TOGARAM2: variants seen among roughly 807,000 people sequenced by gnomAD.
The protein encoded by TOGARAM2 is TOG array regulator of axonemal microtubules protein 2.
In TOGARAM2, 85 loss-of-function variants were observed where a neutral mutation model predicts 93.3. The observed-to-expected ratio is 0.91, with a 90% CI of 0.76 to 1.09. The LOEUF is 1.09. TOGARAM2 is among the 50% of genes least tolerant of loss of function. The probability of loss-of-function intolerance (pLI) is 0.00; values close to 1 mark genes in which losing one functional copy is unlikely to be tolerated. For synonymous variants in TOGARAM2, 593 were observed against 552.8 expected (o/e 1.07, Z -1.02); for missense variants, 1,277 against 1,334.5 (o/e 0.96, Z 0.67).
At chr2:29,029,965 C>G (rs1572752878) in intron 14 of TOGARAM2, among the ~76,000 whole-genome samples, 1 of 152,080 alleles carries the variant, frequency 6.6e-6, no homozygotes, top group Non-Finnish European at 1.5e-5. Flanking sequence ...AAAATTAAAA[C>G]AAAAACAGGC....
chr2:29,009,504 G>A (rs1488370053), intron 6 of TOGARAM2, among the ~76,000 whole-genome samples: 1 of 151,542 alleles, frequency 6.6e-6, no homozygotes, highest in Non-Finnish European at 1.5e-5. Context: ...CAGAGGCAGG[G>A]AGTCTGTGGG....
intron 1 of TOGARAM2, among the ~76,000 whole-genome samples, chr2:28,962,140 T>C (rs1426017207): frequency 2.0e-5 from 3 of 152,056 alleles, no homozygotes; most frequent in African/African-American, 7.2e-5. Context: ...GTTGGAGAAT[T>C]TGCGGATATT....
chr2:28,974,261 G>A (rs969734039), intron 1 of TOGARAM2, among the ~76,000 whole-genome samples: 1 of 151,634 alleles, frequency 6.6e-6, no homozygotes, highest in Non-Finnish European at 1.5e-5. Flanking sequence ...CTGAGTAGCT[G>A]GGATTACAGG....
chr2:28,971,185 C>T lies in TOGARAM2; in HGVS notation c.-147+14488C>T, dbSNP rs114197465. The T allele has an allele frequency of 3.6e-3, 552 of 152,344 alleles. 4 individuals are homozygous for T. Among genetic ancestry groups the T allele is most frequent in the African/African-American group, 0.013 (524 of 41,548 alleles). 9.4% of individuals were successfully genotyped at this position (152,344 alleles called of 1,614,324 possible). ...GAGGGGGGTTGAAACTGCTCACAAACGCTTGTGTTTGGTGGGAGTTTAGTT... is the reference window on the plus strand; with the variant it reads ...GAGGGGGGTTGAAACTGCTCACAAATGCTTGTGTTTGGTGGGAGTTTAGTT... On this transcript the variant is annotated intron_variant, in intron 1 of 6. Coordinates refer to the TOGARAM2 transcript ENST00000401723.
In TOGARAM2 at chr2:29,027,066, G is replaced by A. The variant is rs950959899; in HGVS notation, c.2012+55G>A. On this transcript the variant is annotated intron_variant, in intron 14 of 19. Transcript: ENST00000379558. ...AGAAGGCAACCAACCAGCCAGCCCT[G>A]AGGGGCCTGGGGCACACAGCTTCAG... 82 of 1,482,394 alleles carry A rather than the reference G, an allele frequency of 5.5e-5. No homozygotes were observed. In the East Asian group the frequency reaches 1.8e-3, roughly 33 times the overall value. 91.8% of individuals were successfully genotyped at this position (1,482,394 alleles called of 1,614,324 possible).
chr2:29,005,725 A>C (rs1424053961), intron 6 of TOGARAM2, among the ~76,000 whole-genome samples: 3 of 108,774 alleles, frequency 2.8e-5, no homozygotes, highest in Non-Finnish European at 6.1e-5. Flanking sequence ...GCATGTGTGC[A>C]TGTGTGTGAG....
At chr2:29,001,303 AG>A (rs373993769) in intron 4 of TOGARAM2, among the ~76,000 whole-genome samples, 120 of 152,262 alleles carry the variant, frequency 7.9e-4, no homozygotes, top group African/African-American at 2.8e-3. Flanking sequence ...GCGAGTGTGC[AG>A]GAACAGAGAT....
chr2:28,987,812 G>A (rs1483711250), intron 1 of TOGARAM2, among the ~76,000 whole-genome samples: 13 of 152,230 alleles, frequency 8.5e-5, no homozygotes, highest in Admixed American at 8.5e-4. Context: ...ACCCAGAGCT[G>A]GTAAAGAGTT....
intron 3 of TOGARAM2, among the ~76,000 whole-genome samples, chr2:28,998,741 C>T (rs563194388): frequency 6.6e-6 from 1 of 152,170 alleles, no homozygotes; most frequent in Non-Finnish European, 1.5e-5. Context: ...TTTTGTTTCT[C>T]TCCCATCTGG....
intron 15 of TOGARAM2, 69 bp downstream of exon 15, chr2:29,033,120 C>A: frequency 7.5e-7 from 1 of 1,329,128 alleles, no homozygotes. Flanking sequence ...GCCTGGTAGC[C>A]TTCATGTGGG....
intron 13 of TOGARAM2, among the ~76,000 whole-genome samples, chr2:29,025,142 T>C (rs1378950258): frequency 1.3e-5 from 2 of 152,110 alleles, no homozygotes; most frequent in East Asian, 1.9e-4. Flanking sequence ...AATTGCACCA[T>C]AGCATACTGC....
At position 29,026,942 on chromosome 2, in the gene TOGARAM2, C is replaced by A. The variant is rs1487928334; in HGVS notation, c.1943C>A (p.Thr648Asn). ...GGCGCTGAGAAGCTTCTCTCGGGCACCAGAGACAGCACAGACATGTTGGTG... is the reference window on the plus strand; with the variant it reads ...GGCGCTGAGAAGCTTCTCTCGGGCAACAGAGACAGCACAGACATGTTGGTG... ...QIGAEKLLSG[T>N]RDSTDMLVHN... The change falls in exon 14 of 20, where the codon ACC becomes AAC. Residue 648 changes from threonine (T) to asparagine (N), a missense_variant. Transcript: ENST00000379558. 1 of 1,575,144 alleles carries A rather than the reference C, an allele frequency of 6.3e-7. No homozygotes were observed. Among genetic ancestry groups the A allele is most frequent in the Admixed American group, 1.9e-5 (1 of 53,998 alleles).
chr2:28,994,580 C>A, intron 1 of TOGARAM2, 145 bp from the exon 2 acceptor site: 1 of 405,710 alleles, frequency 2.5e-6, no homozygotes, highest in Non-Finnish European at 4.6e-6. Context: ...ATTTGTGAGT[C>A]CAATGTCAGA....
intron 13 of TOGARAM2, 74 bp from the exon 14 acceptor site, chr2:29,026,779 A>G: frequency 7.1e-7 from 1 of 1,409,468 alleles, no homozygotes; most frequent in Non-Finnish European, 9.4e-7. Flanking sequence ...GCAATGGTAG[A>G]TCCATGTTTG....
chr2:28,995,966 G>A (rs775160995), intron 2 of TOGARAM2, among the ~76,000 whole-genome samples: 41 of 152,242 alleles, frequency 2.7e-4, no homozygotes, highest in Middle Eastern at 3.2e-3. Context: ...AGCAGGTACA[G>A]TACTACAGAG....
chr2:29,002,287 C>T (rs1673347106), intron 4 of TOGARAM2, among the ~76,000 whole-genome samples: 1 of 152,218 alleles, frequency 6.6e-6, no homozygotes, highest in East Asian at 1.9e-4. Context: ...GCTTTTATTT[C>T]CCTTCCTTCC....
chr2:29,037,069 G>T (rs1471580335), intron 18 of TOGARAM2, among the ~76,000 whole-genome samples: 1 of 152,134 alleles, frequency 6.6e-6, no homozygotes, highest in African/African-American at 2.4e-5. Flanking sequence ...AGTCAGGAGT[G>T]CTGGGAAGGC....
chr2:28,999,263 C>T lies in TOGARAM2; in HGVS notation c.222C>T (p.Gly74=). The T allele has an allele frequency of 6.2e-7, 1 of 1,613,908 alleles. No individual in the cohort carries two copies. The highest frequency in any genetic ancestry group is 1.1e-5 in the South Asian group (1 of 91,054). The change falls in exon 4 of 20, where the codon GGC becomes GGT. Residue 74 remains glycine (G), a synonymous_variant. Coordinates refer to ENST00000379558, the MANE Select transcript of TOGARAM2 (RefSeq NM_199280.4). ...TGCGTGGACTCGGACAGCTGGGTGG[C>T]CTCAAGCTGGACACCCCTTCCAAGG... ...QLLRGLGQLG[G]LKLDTPSKGW... is the part of the protein sequence containing the mutation.
chr2:29,036,629 T>C lies in TOGARAM2; in HGVS notation c.2507T>C (p.Leu836Pro). ...ALESFAKMIPLLRESLHPMLL... is the reference protein window; with the variant it reads ...ALESFAKMIPPLRESLHPMLL... ...GAGTCCTTCGCCAAGATGATCCCCC[T>C]CCTCAGAGAGAGCTTACACCCCATG... is the stretch of plus-strand genomic sequence containing the variant. The change falls in exon 18 of 20, where the codon CTC (leucine) becomes CCC (proline). Residue 836 changes from leucine (L) to proline (P), a missense_variant. Leu to Pro is a moderately conservative substitution (Grantham distance 98). Transcript: ENST00000379558. 1 of 1,613,950 alleles carries C rather than the reference T, an allele frequency of 6.2e-7. No homozygotes were observed. The highest frequency in any genetic ancestry group is 8.5e-7 in the Non-Finnish European group (1 of 1,179,874).
Sources: allele counts gnomAD v4.1 joint callset (sites outside exome capture counted in the v4.1 genomes callset), GRCh38; gene constraint gnomAD v4.1.1; transcripts MANE v1.5; gene names NCBI Gene and HGNC (gene_info 2026-07-23, HGNC 2026-07-21).